The following PDE4D variants were observed in gnomAD, a reference collection of about 807,000 sequenced individuals.
The protein encoded by PDE4D is 3',5'-cyclic-AMP phosphodiesterase 4D.
PDE4D carries 24 observed loss-of-function variants against 87.4 expected under a neutral mutation model. The ratio of observed to expected loss-of-function variants is 0.27; its 90% CI spans 0.20 to 0.39. The LOEUF (loss-of-function observed/expected upper bound fraction) is 0.39. Among genes scored for constraint, PDE4D ranks in the 10% least tolerant of loss-of-function variants. The pLI is 1.00. For synonymous variants in PDE4D, 384 were observed against 383.2 expected (o/e 1.00, Z -0.02); for missense variants, 714 against 1,041.0 (o/e 0.69, Z 4.32).
intron 3 of PDE4D, among the ~76,000 whole-genome samples, chr5:59,187,239 T>C (rs1002271849): frequency 6.6e-6 from 1 of 152,132 alleles, no homozygotes; most frequent in African/African-American, 2.4e-5. Flanking sequence ...GCCTCTATTA[T>C]AATAAACTTC....
chr5:59,237,044 TCA>T (rs1756594935), intron 1 of PDE4D, among the ~76,000 whole-genome samples: 1 of 152,156 alleles, frequency 6.6e-6, no homozygotes, highest in Non-Finnish European at 1.5e-5. Flanking sequence ...CATACTGTTC[TCA>T]CTCTCTGGAG....
intron 2 of PDE4D, among the ~76,000 whole-genome samples, chr5:60,147,383 C>T (rs1781110203): frequency 1.3e-5 from 2 of 152,104 alleles, no homozygotes; most frequent in Admixed American, 1.3e-4. Context: ...ATGGGCCACG[C>T]TGCATTCATT....
At chr5:60,242,866 CA>C (rs1460623640) in intron 1 of PDE4D, among the ~76,000 whole-genome samples, 1 of 151,432 alleles carries the variant, frequency 6.6e-6, no homozygotes, top group African/African-American at 2.4e-5. Context: ...TTTAAGTGCC[CA>C]CATCAAAAAA....
At chr5:59,996,623 T>C (rs970674916) in intron 2 of PDE4D, among the ~76,000 whole-genome samples, 2 of 152,184 alleles carry the variant, frequency 1.3e-5, no homozygotes, top group African/African-American at 4.8e-5. Flanking sequence ...GTTTTTCCTC[T>C]TGTCTCATTA....
At chr5:59,512,999 T>A (rs1030194654) in intron 1 of PDE4D, among the ~76,000 whole-genome samples, 4 of 152,196 alleles carry the variant, frequency 2.6e-5, no homozygotes, top group South Asian at 2.1e-4. Flanking sequence ...GCACATTACA[T>A]ATCGTTTTCA....
At chr5:60,158,294 C>T (rs1031890433) in intron 2 of PDE4D, among the ~76,000 whole-genome samples, 2 of 152,056 alleles carry the variant, frequency 1.3e-5, no homozygotes, top group Non-Finnish European at 2.9e-5. Flanking sequence ...ACCTGTATGC[C>T]ATGTTACTGT....
At chr5:59,996,823 T>C (rs1341512867) in intron 2 of PDE4D, among the ~76,000 whole-genome samples, 1 of 152,146 alleles carries the variant, frequency 6.6e-6, no homozygotes, top group Non-Finnish European at 1.5e-5. Context: ...ACTAATTCTA[T>C]ATAAAAATGA....
At chr5:60,379,030 G>T (rs1021879729) in intron 1 of PDE4D, among the ~76,000 whole-genome samples, 3 of 151,928 alleles carry the variant, frequency 2.0e-5, no homozygotes, top group Non-Finnish European at 2.9e-5. Context: ...AGCAATAAAG[G>T]TCCTACATAC....
At chr5:59,445,776 G>A (rs1798254523) in intron 1 of PDE4D, among the ~76,000 whole-genome samples, 1 of 152,040 alleles carries the variant, frequency 6.6e-6, no homozygotes, top group Admixed American at 6.5e-5. Flanking sequence ...TACCTATATG[G>A]GGAAACAGGA....
chr5:59,467,868 G>A (rs960885297), intron 1 of PDE4D, among the ~76,000 whole-genome samples: 2 of 152,094 alleles, frequency 1.3e-5, no homozygotes, highest in Non-Finnish European at 1.5e-5. Flanking sequence ...TTTTCTGGGT[G>A]AAGTTTATAC....
At chr5:59,885,975 T>C (rs1173612967) in intron 1 of PDE4D, among the ~76,000 whole-genome samples, 1 of 152,176 alleles carries the variant, frequency 6.6e-6, no homozygotes, top group East Asian at 1.9e-4. Context: ...CCTTCCATCA[T>C]CTATAAAATG....
chr5:59,019,403 C>T (rs191321696), intron 6 of PDE4D, among the ~76,000 whole-genome samples: 1 of 152,200 alleles, frequency 6.6e-6, no homozygotes, highest in Non-Finnish European at 1.5e-5. Context: ...TCCTTATAGT[C>T]AAATGTAAGG....
intron 1 of PDE4D, among the ~76,000 whole-genome samples, chr5:60,221,551 G>T (rs942423924): frequency 6.6e-6 from 1 of 151,828 alleles, no homozygotes. Flanking sequence ...AGTTGATTTT[G>T]ATAAATTTGA....
At chr5:59,117,284 TA>T (rs1389041191) in intron 5 of PDE4D, among the ~76,000 whole-genome samples, 1 of 152,216 alleles carries the variant, frequency 6.6e-6, no homozygotes, top group East Asian at 1.9e-4. Flanking sequence ...AAATCTTCCT[TA>T]AAAATTGCTT....
At chr5:60,319,305 G>A (rs535883151) in intron 1 of PDE4D, among the ~76,000 whole-genome samples, 9 of 152,276 alleles carry the variant, frequency 5.9e-5, no homozygotes, top group East Asian at 1.9e-4. Flanking sequence ...CATTGGTCAC[G>A]TAGTTCTCAT....
At chr5:59,688,148 C>T (rs1007920543) in intron 1 of PDE4D, among the ~76,000 whole-genome samples, 7 of 152,022 alleles carry the variant, frequency 4.6e-5, no homozygotes, top group African/African-American at 7.2e-5. Context: ...CTGTCAACAT[C>T]GGATAGATCA....
At chr5:59,633,227 T>C (rs555057209) in intron 1 of PDE4D, among the ~76,000 whole-genome samples, 4 of 152,108 alleles carry the variant, frequency 2.6e-5, no homozygotes, top group African/African-American at 7.2e-5. Context: ...TTCCAAGAAA[T>C]ATGGGACTAT....
chr5:60,372,980 T>A (rs1434119714), intron 1 of PDE4D, among the ~76,000 whole-genome samples: 1 of 152,212 alleles, frequency 6.6e-6, no homozygotes, highest in African/African-American at 2.4e-5. Context: ...CACACCGCAA[T>A]TTGAAACCTT....
rs702552 is a variant in PDE4D at position 60,440,917 on chromosome 5, T to C, written c.-90+47025A>G. On this transcript the variant is annotated intron_variant, in intron 1 of 16. Transcript: ENST00000502484. Reference sequence around the variant, plus strand: ...AGTAGTGGGACCAGGATCAAAATCCTGGCAGTCTAGCTTCAGAGTACATGT... The same window carrying C: ...AGTAGTGGGACCAGGATCAAAATCCCGGCAGTCTAGCTTCAGAGTACATGT... 1.8e-3 allele frequency among the ~76,000 whole-genome samples: 278 copies of C among 152,160 alleles called. 1 individual carries two copies. Among genetic ancestry groups the C allele is most frequent in the African/African-American group, 6.5e-3 (269 of 41,554 alleles).
Sources: gnomAD v4.1 joint callset for allele counts (sites outside exome capture counted in the v4.1 genomes callset) on GRCh38, gnomAD v4.1.1 for gene constraint, MANE v1.5 for transcripts, NCBI Gene and HGNC (gene_info 2026-07-23, HGNC 2026-07-21) for gene names.